The following SPRYD7 variants were observed in gnomAD, a reference collection of about 807,000 sequenced individuals.
SPRYD7 encodes the protein SPRY domain-containing protein 7.
Under a neutral mutation model 23.8 loss-of-function variants are expected in SPRYD7, and 14 were observed. That is an observed-to-expected ratio of 0.59 (90% CI 0.39 to 0.92). The LOEUF is 0.92. Ranked by LOEUF, SPRYD7 falls within the 40% of genes least tolerant of loss-of-function variation. SPRYD7 has a pLI of 0.00. For missense variants in SPRYD7, 194 were observed against 241.7 expected (o/e 0.80, Z 1.31); for synonymous variants, 75 against 84.9 (o/e 0.88, Z 0.64).
chr13:49,925,586 C>T (rs1049090603), intron 3 of SPRYD7, among the ~76,000 whole-genome samples: 1 of 151,702 alleles, frequency 6.6e-6, no homozygotes, highest in African/African-American at 2.4e-5. Flanking sequence ...CCGAGGTGGG[C>T]AGATCATGAG....
At position 49,936,296 on chromosome 13, in the gene SPRYD7, C is replaced by T. The variant is rs1347693943; in HGVS notation, c.-61G>A. The T allele has an allele frequency of 7.9e-6, 10 of 1,266,348 alleles. No individual in the cohort carries two copies. The highest frequency in any genetic ancestry group is 9.9e-6 in the Non-Finnish European group (9 of 911,944). 78.4% of individuals were successfully genotyped at this position (1,266,348 alleles called of 1,614,324 possible). On this transcript the variant is annotated 5_prime_UTR_variant, in exon 1 of 5. Transcript: ENST00000361840. ...ACCGAGGCGACACTGCCCCCCGCCG[C>T]TCAGCTCCGTCTCCTGCCCCCGCCC...
intron 3 of SPRYD7, among the ~76,000 whole-genome samples, chr13:49,922,622 C>G (rs2077503405): frequency 6.6e-6 from 1 of 152,118 alleles, no homozygotes; most frequent in African/African-American, 2.4e-5. Context: ...TAAACACTTG[C>G]TCTTAATCAC....
intron 2 of SPRYD7, among the ~76,000 whole-genome samples, chr13:49,930,427 A>G (rs1955934625): frequency 1.3e-5 from 2 of 152,042 alleles, no homozygotes. Flanking sequence ...CTGAAAATAT[A>G]AAAATTAGCT....
intron 1 of SPRYD7, among the ~76,000 whole-genome samples, chr13:49,934,764 G>A (rs942196013): frequency 6.6e-6 from 1 of 152,126 alleles, no homozygotes; most frequent in Admixed American, 6.6e-5. Context: ...CCAAAGAGGA[G>A]ACTGCAGTAA....
In SPRYD7 at chr13:49,921,590, A is replaced by G; in HGVS notation, c.391-10T>C. 2 of 1,518,960 alleles carry G rather than the reference A, an allele frequency of 1.3e-6. No individual in the cohort carries two copies. Among genetic ancestry groups the G allele is most frequent in the Non-Finnish European group, 1.8e-6 (2 of 1,094,788 alleles). 94.1% of individuals were successfully genotyped at this position (1,518,960 alleles called of 1,614,324 possible). ...GGTCATAAGTAATACCCTAGGAAGGAAAAAACAGAAACGTTCCATAAAAGC... is the reference window on the plus strand; with the variant it reads ...GGTCATAAGTAATACCCTAGGAAGGGAAAAACAGAAACGTTCCATAAAAGC... On this transcript the variant is annotated splice_polypyrimidine_tract_variant and intron_variant, in intron 3 of 4. Transcript: ENST00000361840.
intron 1 of SPRYD7, among the ~76,000 whole-genome samples, chr13:49,932,542 T>G (rs1321548508): frequency 6.6e-6 from 1 of 152,144 alleles, no homozygotes; most frequent in East Asian, 1.9e-4. Context: ...ATTACATAAT[T>G]CTAATATGTA....
intron 3 of SPRYD7, among the ~76,000 whole-genome samples, chr13:49,926,174 G>A (rs963154160): frequency 6.6e-6 from 1 of 152,144 alleles, no homozygotes; most frequent in African/African-American, 2.4e-5. Flanking sequence ...TTATGAGAAT[G>A]AGCTCATATG....
At chr13:49,917,993 T>A (rs778402628) in intron 4 of SPRYD7, among the ~76,000 whole-genome samples, 1 of 152,230 alleles carries the variant, frequency 6.6e-6, no homozygotes, top group Non-Finnish European at 1.5e-5. Flanking sequence ...TTATTTATAT[T>A]TGTTATTGTA....
chr13:49,927,179 T>A lies in SPRYD7; in HGVS notation c.390+740A>T, dbSNP rs541166618. Among the ~76,000 whole-genome samples the A allele has an allele frequency of 3.3e-5, 5 of 152,346 alleles. No homozygotes were observed. The East Asian group carries it at 9.6e-4, about 29-fold the overall frequency. On this transcript the variant is annotated intron_variant, in intron 3 of 4. Transcript: ENST00000361840. Reference sequence around the variant, plus strand: ...TGATAAAATGCTGTAATTCTCTTAATAGAATTTCATAACAAATTAAGAAAT... The same window carrying A: ...TGATAAAATGCTGTAATTCTCTTAAAAGAATTTCATAACAAATTAAGAAAT...
intron 4 of SPRYD7, 32 bp downstream of exon 4, chr13:49,921,446 T>C (rs780925611): frequency 3.0e-6 from 4 of 1,333,126 alleles, no homozygotes; most frequent in Non-Finnish European, 3.2e-6. Context: ...TTAATATGTA[T>C]GTAATAATAC....
At chr13:49,921,668 A>G in intron 3 of SPRYD7, 88 bp from the exon 4 acceptor site, 1 of 771,384 alleles carries the variant, frequency 1.3e-6, no homozygotes, top group South Asian at 1.6e-5. Flanking sequence ...AAAGCTAAGC[A>G]TAGGCTGACA....
In SPRYD7 at chr13:49,927,942, G is replaced by C. The variant is rs756017977; in HGVS notation, c.367C>G (p.Leu123Val). Residue 123 changes from leucine to valine, a missense_variant, in exon 3 of 5, where the codon CTT becomes GTT. Coordinates refer to ENST00000361840, the MANE Select transcript of SPRYD7 (RefSeq NM_020456.4). ...ACCACCACATCTCCTTCCTGCGGAA[G>C]ACTGTTTGCTGGCAGCCTATTTTTC... The part of the protein sequence containing the change: ...EEKNRLPANS[L>V]PQEGDVVGIT... The C allele has an allele frequency of 6.2e-7, 1 of 1,614,122 alleles. No homozygotes were observed.
At position 49,912,924 on chromosome 13, in the gene SPRYD7, T is replaced by TA. The variant is rs1955707257; in HGVS notation, c.*2138dup. The TA allele has an allele frequency of 1.3e-5, 2 of 152,056 alleles. No individual in the cohort carries two copies. Among genetic ancestry groups the TA allele is most frequent in the Non-Finnish European group, 2.9e-5 (2 of 67,994 alleles). The allele number at this position is 152,056 out of a possible 1,614,324, so 9.4% of individuals were successfully genotyped here. ...ACATTTTTGTCTGCAGAATAAACAATAAAAAAGGATTTTGCAGGATTCTCT... is the reference window on the plus strand; with the variant it reads ...ACATTTTTGTCTGCAGAATAAACAATAAAAAAAGGATTTTGCAGGATTCTCT... On this transcript the variant is annotated 3_prime_UTR_variant, in exon 5 of 5. Coordinates refer to ENST00000361840, the MANE Select transcript of SPRYD7 (RefSeq NM_020456.4).
At chr13:49,926,762 C>G (rs1306015925) in intron 3 of SPRYD7, among the ~76,000 whole-genome samples, 3 of 152,108 alleles carry the variant, frequency 2.0e-5, no homozygotes, top group Non-Finnish European at 4.4e-5. Flanking sequence ...GAATCCTTCT[C>G]TCATTATTCA....
Position 49,914,172 on chromosome 13 carries a change from T to C in SPRYD7, c.*891A>G, listed in dbSNP as rs1296340953. The C allele has an allele frequency of 6.5e-6, 1 of 153,780 alleles. No homozygotes were observed. Among genetic ancestry groups the C allele is most frequent in the African/African-American group, 2.4e-5 (1 of 41,458 alleles). 9.5% of individuals were successfully genotyped at this position (153,780 alleles called of 1,614,324 possible). ...AGAACCAGGCAAAGACTCAGGGTCA[T>C]GAAGAGGATTCACTTATCTCTGAAC... On this transcript the variant is annotated 3_prime_UTR_variant, in exon 5 of 5. Coordinates refer to ENST00000361840, the MANE Select transcript of SPRYD7 (RefSeq NM_020456.4).
At chr13:49,922,263 ATAAT>A (rs1407419357) in intron 3 of SPRYD7, among the ~76,000 whole-genome samples, 1 of 150,194 alleles carries the variant, frequency 6.7e-6, no homozygotes, top group African/African-American at 2.4e-5. Flanking sequence ...AGTGATATTA[ATAAT>A]TATTGTTAAA....
intron 1 of SPRYD7, among the ~76,000 whole-genome samples, chr13:49,933,601 C>CAAA (rs147055694): frequency 7.4e-5 from 7 of 94,602 alleles, no homozygotes; most frequent in Non-Finnish European, 1.0e-4. Context: ...GATTCCCTCT[C>CAAA]AAAAAAAAAA....
chr13:49,931,743 A>C (rs935508364), intron 1 of SPRYD7, among the ~76,000 whole-genome samples: 5 of 151,752 alleles, frequency 3.3e-5, no homozygotes, highest in African/African-American at 7.3e-5. Context: ...GAGTGCAGGA[A>C]GTCGAGACCA....
At chr13:49,927,025 T>G (rs1298081657) in intron 3 of SPRYD7, among the ~76,000 whole-genome samples, 2 of 152,136 alleles carry the variant, frequency 1.3e-5, no homozygotes, top group Non-Finnish European at 2.9e-5. Flanking sequence ...AGAAAAGTCT[T>G]AATAACGTGT....
Sources: gnomAD v4.1 joint callset for allele counts (sites outside exome capture counted in the v4.1 genomes callset) on GRCh38, gnomAD v4.1.1 for gene constraint, MANE v1.5 for transcripts, NCBI Gene and HGNC (gene_info 2026-07-23, HGNC 2026-07-21) for gene names.